PBRM1: variants seen among roughly 807,000 people sequenced by gnomAD.
The protein encoded by PBRM1 is protein polybromo-1.
A neutral mutation model predicts 194.5 loss-of-function variants in PBRM1; 27 were observed. The observed-to-expected ratio is 0.14, with a 90% CI of 0.10 to 0.19. The LOEUF (loss-of-function observed/expected upper bound fraction) is 0.19. Among genes scored for constraint, PBRM1 ranks in the 10% least tolerant of loss-of-function variants. The pLI, the probability that PBRM1 is intolerant of heterozygous loss-of-function variation, is 1.00. For synonymous variants in PBRM1, 655 were observed against 693.2 expected (o/e 0.94, Z 0.87); for missense variants, 1,466 against 2,077.2 (o/e 0.71, Z 5.72).
intron 14 of PBRM1, among the ~76,000 whole-genome samples, chr3:52,616,316 G>A (rs1395305539): frequency 2.0e-5 from 3 of 152,204 alleles, no homozygotes; most frequent in Admixed American, 6.5e-5. Flanking sequence ...TCTGGGAGAT[G>A]TAAAGTGGAT....
intron 15 of PBRM1, among the ~76,000 whole-genome samples, chr3:52,610,871 A>G (rs944271502): frequency 1.3e-5 from 2 of 152,138 alleles, no homozygotes; most frequent in Non-Finnish European, 2.9e-5. Flanking sequence ...CCCAGGAGGT[A>G]GAGGTTGCAG....
upstream of PBRM1, among the ~76,000 whole-genome samples, chr3:52,680,670 T>C (rs187370761): frequency 1.5e-4 from 23 of 152,240 alleles, 1 homozygote; most frequent in Admixed American, 1.2e-3. Flanking sequence ...TTTCTTTCTT[T>C]CTTTTTTAGG....
intron 17 of PBRM1, among the ~76,000 whole-genome samples, chr3:52,595,395 G>T (rs1250647762): frequency 6.6e-6 from 1 of 152,118 alleles, no homozygotes; most frequent in African/African-American, 2.4e-5. Flanking sequence ...TTTAACTGGA[G>T]TGATATGATA....
rs1306283718 is a variant in PBRM1, at chr3:52,644,686, A to T, written c.899+18T>A. Reference sequence around the variant, plus strand: ...GCATGAGCCACCACGCCCAGCCTAGACATTTTCTTAAACCTACCTCATTCG... The same window carrying T: ...GCATGAGCCACCACGCCCAGCCTAGTCATTTTCTTAAACCTACCTCATTCG... On this transcript the variant is annotated intron_variant, in intron 8 of 29. Transcript: ENST00000296302. 1.5e-6 allele frequency: 2 copies of T among 1,316,078 alleles called. No homozygotes were observed. The highest frequency in any genetic ancestry group is 1.8e-5 in the Admixed American group (1 of 56,688). 81.5% of individuals were successfully genotyped at this position (1,316,078 alleles called of 1,614,324 possible). A position where few individuals can be genotyped will look rare whatever the true frequency, so the allele number is the denominator to read the frequency against.
At chr3:52,585,572 A>G (rs1459824101) in intron 20 of PBRM1, 1 of 152,408 alleles carries the variant, frequency 6.6e-6, no homozygotes, top group Non-Finnish European at 1.5e-5. Context: ...CTTGTTGCCC[A>G]GGCTGGACTG....
intron 3 of PBRM1, among the ~76,000 whole-genome samples, chr3:52,665,366 AC>A: frequency 6.6e-6 from 1 of 151,272 alleles, no homozygotes. Context: ...GTCTTAGTAC[AC>A]TGCCTAGGCT....
chr3:52,639,329 G>T (rs553163519), intron 10 of PBRM1, among the ~76,000 whole-genome samples: 3 of 152,032 alleles, frequency 2.0e-5, no homozygotes, highest in South Asian at 2.1e-4. Context: ...CGCCAATATT[G>T]TTTATTTATG....
intron 3 of PBRM1, among the ~76,000 whole-genome samples, chr3:52,668,210 T>C (rs957999216): frequency 6.6e-6 from 1 of 152,164 alleles, no homozygotes; most frequent in African/African-American, 2.4e-5. Flanking sequence ...GGTGGGAGGA[T>C]TGCTTGAACC....
intron 17 of PBRM1, among the ~76,000 whole-genome samples, 179 bp downstream of exon 19, chr3:52,603,342 C>T (rs960665693): frequency 6.6e-6 from 1 of 152,230 alleles, no homozygotes; most frequent in Non-Finnish European, 1.5e-5. Context: ...TAATCTTTCC[C>T]AGGTCTGATG....
At chr3:52,684,702 C>A (rs2097281779), upstream of PBRM1, among the ~76,000 whole-genome samples, 2 of 152,156 alleles carry the variant, frequency 1.3e-5, no homozygotes, top group South Asian at 4.1e-4. Context: ...TGATAGTAAT[C>A]TATCATATAG....
chr3:52,685,653 GGGCTTCCGCCGC>G (rs974772633), intron 1 of PBRM1, 84 bp downstream of exon 1: 1 of 148,372 alleles, frequency 6.7e-6, no homozygotes, highest in African/African-American at 2.4e-5. Flanking sequence ...GGCCGGGGCG[GGGCTTCCGCCGC>G]GGCTCCCGCC....
chr3:52,550,394 CAA>C, intron 29 of PBRM1, 25 bp downstream of exon 31: 2 of 1,273,566 alleles, frequency 1.6e-6, no homozygotes, highest in Non-Finnish European at 2.1e-6. Flanking sequence ...ATGTATTTCA[CAA>C]AGGCTTATTT....
At chr3:52,619,733 C>T (rs1267240930) in intron 13 of PBRM1, among the ~76,000 whole-genome samples, 1 of 152,126 alleles carries the variant, frequency 6.6e-6, no homozygotes, top group African/African-American at 2.4e-5. Context: ...TCTTTTCTCT[C>T]CAAGGTTCAA....
At chr3:52,623,125 T>C (rs2095335584) in intron 13 of PBRM1, among the ~76,000 whole-genome samples, 1 of 152,174 alleles carries the variant, frequency 6.6e-6, no homozygotes, top group Non-Finnish European at 1.5e-5. Flanking sequence ...TCCCTTCCTT[T>C]CCCAAAAGTT....
At chr3:52,654,176 C>T (rs1271824545) in intron 5 of PBRM1, among the ~76,000 whole-genome samples, 1 of 152,168 alleles carries the variant, frequency 6.6e-6, no homozygotes, top group African/African-American at 2.4e-5. Context: ...CTGTTCAAAC[C>T]CTACTGAAGC....
intron 7 of PBRM1, among the ~76,000 whole-genome samples, chr3:52,645,199 T>C (rs746596703): frequency 2.6e-5 from 4 of 152,250 alleles, no homozygotes; most frequent in Non-Finnish European, 5.9e-5. Context: ...TCCATATTAA[T>C]GAAGCACTTT....
chr3:52,579,371 A>C, intron 20 of PBRM1, 172 bp from the exon 23 acceptor site: 1 of 613,980 alleles, frequency 1.6e-6, no homozygotes, highest in East Asian at 2.8e-5. Flanking sequence ...CGATCGCTTG[A>C]GCCCAAGAGT....
At chr3:52,569,027 G>T (rs1056699228) in intron 22 of PBRM1, among the ~76,000 whole-genome samples, 3 of 151,874 alleles carry the variant, frequency 2.0e-5, no homozygotes, top group African/African-American at 7.3e-5. Flanking sequence ...CGGGTAGCTG[G>T]GACTACAGAC....
intron 16 of PBRM1, among the ~76,000 whole-genome samples, chr3:52,608,547 T>C (rs1171310167): frequency 1.3e-5 from 2 of 152,122 alleles, no homozygotes; most frequent in Non-Finnish European, 2.9e-5. Context: ...TCTGATTTCA[T>C]AGATTCCCCA....
Sources: gnomAD v4.1 joint callset for allele counts (sites outside exome capture counted in the v4.1 genomes callset) on GRCh38, gnomAD v4.1.1 for gene constraint, MANE v1.5 for transcripts, NCBI Gene and HGNC (gene_info 2026-07-23, HGNC 2026-07-21) for gene names.